The following CUTC variants were observed in gnomAD, a reference collection of about 807,000 sequenced individuals.
CUTC encodes the protein cutC copper transporter, also known as copper homeostasis protein cutC homolog.
In CUTC, 27 loss-of-function variants were observed where a neutral mutation model predicts 36.2. The observed-to-expected ratio is 0.75, with a 90% CI of 0.55 to 1.03. The LOEUF (loss-of-function observed/expected upper bound fraction) is 1.03, where lower values mean the gene tolerates loss of function less well. Ranked by LOEUF, CUTC falls within the 50% of genes least tolerant of loss-of-function variation. The probability of loss-of-function intolerance (pLI) is 0.00; values close to 1 mark genes in which losing one functional copy is unlikely to be tolerated. For synonymous variants in CUTC, 114 were observed against 118.3 expected, an observed-to-expected ratio of 0.96 and a Z score of 0.24; for missense variants, 315 against 343.5, an observed-to-expected ratio of 0.92 and a Z score of 0.66.
intron 5 of CUTC, among the ~76,000 whole-genome samples, chr10:99,746,985 C>G (rs1047264232): frequency 6.6e-6 from 1 of 152,130 alleles, no homozygotes; most frequent in African/African-American, 2.4e-5. Flanking sequence ...CCAGGCTGGT[C>G]TCAAACTCCT....
rs2037407677 is a variant in CUTC at position 99,750,407 on chromosome 10, A to G, written c.601+11A>G. 1.3e-6 allele frequency: 2 copies of G among 1,585,744 alleles called. No individual in the cohort carries two copies. The highest frequency in any genetic ancestry group is 1.7e-6 in the Non-Finnish European group (2 of 1,170,892). The stretch of plus-strand genomic sequence containing the variant: ...TTGTGGTAATGCCAGGTATTTATTT[A>G]TCTATCAATTCACTAGCATAACACT... On this transcript the variant is annotated intron_variant, in intron 7 of 8. Coordinates refer to ENST00000370476, the MANE Select transcript of CUTC (RefSeq NM_015960.3).
At chr10:99,735,038 G>T (rs2037283112) in intron 1 of CUTC, among the ~76,000 whole-genome samples, 3 of 142,854 alleles carry the variant, frequency 2.1e-5, no homozygotes, top group African/African-American at 7.8e-5. Flanking sequence ...GGAGGCGGAG[G>T]TTGCAGTGAG....
At chr10:99,751,897 G>A (rs888412354) in intron 7 of CUTC, among the ~76,000 whole-genome samples, 31 of 152,182 alleles carry the variant, frequency 2.0e-4, no homozygotes, top group Admixed American at 1.3e-4. Context: ...CCTGTAAAAT[G>A]TCCTACTTTC....
At chr10:99,733,253 A>G (rs2006078) in intron 1 of CUTC, among the ~76,000 whole-genome samples, 146,715 of 151,866 alleles carry the variant, frequency 0.97, 71,057 homozygotes, top group East Asian at 1. Flanking sequence ...AGGTTGCAGT[A>G]AGCCGAGATC....
At chr10:99,738,146 A>C (rs79244427) in intron 2 of CUTC, among the ~76,000 whole-genome samples, 1 of 143,360 alleles carries the variant, frequency 7.0e-6, no homozygotes, top group Non-Finnish European at 1.5e-5. Context: ...ACTCCGTCTC[A>C]AAAAAAAAAA....
At chr10:99,741,239 C>T (rs568550611) in intron 3 of CUTC, among the ~76,000 whole-genome samples, 3 of 152,322 alleles carry the variant, frequency 2.0e-5, no homozygotes, top group Admixed American at 1.3e-4. Context: ...GTGGTTAATA[C>T]AGAGCTAATT....
chr10:99,736,001 T>A lies in CUTC; in HGVS notation c.62-245T>A, dbSNP rs2037293631. On this transcript the variant is annotated intron_variant, in intron 1 of 8. Transcript: ENST00000370476. ...GGTCTATGTTTTAGGAAGATTAATT[T>A]GGCATTCGATAGACATTTTCCTCAG... Among the ~76,000 whole-genome samples, 3 of 152,236 alleles carry A rather than the reference T, an allele frequency of 2.0e-5. No individual in the cohort carries two copies. The South Asian group carries it at 6.2e-4, about 31-fold the overall frequency.
rs1420590895 is a variant in CUTC at position 99,755,727 on chromosome 10, C to T, written c.810C>T (p.Asn270=). The change falls in exon 9 of 9, where the codon AAC becomes AAT. Residue 270 remains asparagine, a synonymous_variant. Coordinates refer to ENST00000370476, the MANE Select transcript of CUTC (RefSeq NM_015960.3). ...GGACTTTGAATGCTATCGCAAAGAACATCCTGGTGTAGCCAGACCTCTCTG... is the reference window on the plus strand; with the variant it reads ...GGACTTTGAATGCTATCGCAAAGAATATCCTGGTGTAGCCAGACCTCTCTG... ...KVRTLNAIAK[N]ILV 1 of 1,608,334 alleles carries T rather than the reference C, an allele frequency of 6.2e-7. No homozygotes were observed. The highest frequency in any genetic ancestry group is 2.2e-5 in the East Asian group (1 of 44,836).
chr10:99,733,266 G>A (rs184460946), intron 1 of CUTC, among the ~76,000 whole-genome samples: 107 of 152,010 alleles, frequency 7.0e-4, no homozygotes, highest in African/African-American at 2.5e-3. Flanking sequence ...CCGAGATCGC[G>A]CCACTGCACT....
intron 2 of CUTC, among the ~76,000 whole-genome samples, chr10:99,737,545 C>G (rs2037306843): frequency 6.6e-6 from 1 of 152,052 alleles, no homozygotes; most frequent in African/African-American, 2.4e-5. Flanking sequence ...TGAAAATGTT[C>G]TAAAATTACT....
In CUTC at chr10:99,747,408, T is replaced by C; in HGVS notation, c.573+18T>C. ...TTGAGCAGGTACGTGGACTTTATCTTTTTTTCCCCTAAGACTCTGTTGTGG... is the reference window on the plus strand; with the variant it reads ...TTGAGCAGGTACGTGGACTTTATCTCTTTTTCCCCTAAGACTCTGTTGTGG... On this transcript the variant is annotated intron_variant, in intron 6 of 8. Transcript: ENST00000370476. 1.9e-6 allele frequency: 3 copies of C among 1,613,828 alleles called. No homozygotes were observed. The highest frequency in any genetic ancestry group is 2.5e-6 in the Non-Finnish European group (3 of 1,179,828).
rs2037352827 is a variant in CUTC at position 99,743,181 on chromosome 10, T to G, written c.222T>G (p.Val74=). ...MGVLQVVKQS[V]QIPVFVMIRP... ...TCCTTCAAGTAGTGAAGCAGAGTGTTCAGATCCCAGTTTTTGTGATGATTC... is the reference window on the plus strand; with the variant it reads ...TCCTTCAAGTAGTGAAGCAGAGTGTGCAGATCCCAGTTTTTGTGATGATTC... The change falls in exon 4 of 9, where the codon GTT becomes GTG. Residue 74 remains valine, a synonymous_variant. Transcript: ENST00000370476. 6.2e-7 allele frequency: 1 copy of G among 1,614,060 alleles called. No homozygotes were observed. Among genetic ancestry groups the G allele is most frequent in the African/African-American group, 1.3e-5 (1 of 74,930 alleles).
rs993281374 is a variant in CUTC at position 99,732,332 on chromosome 10, G to A, written c.-17G>A. 18 of 1,551,676 alleles carry A rather than the reference G, an allele frequency of 1.2e-5. No individual in the cohort carries two copies. Among genetic ancestry groups the A allele is most frequent in the Non-Finnish European group, 1.6e-5 (18 of 1,147,334 alleles). On this transcript the variant is annotated 5_prime_UTR_variant, in exon 1 of 9. Coordinates refer to ENST00000370476, the MANE Select transcript of CUTC (RefSeq NM_015960.3). ...CAAGTGGAAACTGCAGGCGCACGAG[G>A]GAGGAACGCGTGGAGCATGAAAAGG...
In CUTC at chr10:99,750,349, T is replaced by G. The variant is rs1162435310; in HGVS notation, c.574-20T>G. ...GAGAAAGATATTAAAATTCACTTGT[T>G]TTTTTTTTTCTTTTTTCAGGCAAAA... On this transcript the variant is annotated intron_variant, in intron 6 of 8. Coordinates refer to ENST00000370476, the MANE Select transcript of CUTC (RefSeq NM_015960.3). 2 of 1,565,488 alleles carry G rather than the reference T, an allele frequency of 1.3e-6. No individual in the cohort carries two copies. Among genetic ancestry groups the G allele is most frequent in the African/African-American group, 1.4e-5 (1 of 72,466 alleles).
At chr10:99,753,410 A>G (rs1220573488) in intron 7 of CUTC, among the ~76,000 whole-genome samples, 1 of 151,980 alleles carries the variant, frequency 6.6e-6, no homozygotes, top group Admixed American at 6.6e-5. Flanking sequence ...TATTTTTTCT[A>G]TTTCTTTCTT....
chr10:99,739,069 G>A (rs2037319583), intron 2 of CUTC, among the ~76,000 whole-genome samples: 1 of 152,074 alleles, frequency 6.6e-6, no homozygotes, highest in Non-Finnish European at 1.5e-5. Context: ...TAATGAATTT[G>A]TTCTCTGTCT....
intron 7 of CUTC, among the ~76,000 whole-genome samples, chr10:99,751,995 G>C (rs977827643): frequency 6.6e-6 from 1 of 152,134 alleles, no homozygotes; most frequent in Admixed American, 6.5e-5. Flanking sequence ...TAAATCATGA[G>C]GTTTGAATAG....
rs143276827 is a variant in CUTC at position 99,750,711 on chromosome 10, C to T, written c.601+315C>T. Among the ~76,000 whole-genome samples the T allele has an allele frequency of 2.6e-3, 394 of 152,256 alleles. 2 individuals carry two copies. The highest frequency in any genetic ancestry group is 3.9e-3 in the Non-Finnish European group (265 of 68,002). On this transcript the variant is annotated intron_variant, in intron 7 of 8. Transcript: ENST00000370476. ...GAACTTTATGAATTCAGATGTTCAT[C>T]TCTGGTGAGGCACATCAAATTTGAT...
chr10:99,735,800 A>G (rs965798723), intron 1 of CUTC, among the ~76,000 whole-genome samples: 2 of 152,234 alleles, frequency 1.3e-5, no homozygotes, highest in Admixed American at 6.5e-5. Flanking sequence ...ACTAAAATCT[A>G]CCTTGTTTTA....
Sources: allele counts gnomAD v4.1 joint callset (sites outside exome capture counted in the v4.1 genomes callset), GRCh38; gene constraint gnomAD v4.1.1; transcripts MANE v1.5; gene names NCBI Gene and HGNC (gene_info 2026-07-23, HGNC 2026-07-21).